The following DPP10 variants were observed in gnomAD, a reference collection of about 807,000 sequenced individuals.
DPP10 encodes the protein dipeptidyl peptidase like 10, also known as inactive dipeptidyl peptidase 10.
In DPP10, 33 loss-of-function variants were observed where a neutral mutation model predicts 120.9. The observed-to-expected ratio is 0.27, with a 90% confidence interval of 0.21 to 0.37. The LOEUF is 0.37. Among genes scored for constraint, DPP10 ranks in the 10% least tolerant of loss-of-function variants. The pLI is 1.00. For synonymous variants in DPP10, 337 were observed against 326.1 expected, an observed-to-expected ratio of 1.03 and a Z score of -0.36; for missense variants, 816 against 942.8, an observed-to-expected ratio of 0.87 and a Z score of 1.76.
intron 1 of DPP10, among the ~76,000 whole-genome samples, chr2:115,038,200 A>G (rs556903572): frequency 3.9e-5 from 6 of 152,092 alleles, no homozygotes; most frequent in Non-Finnish European, 8.8e-5. Flanking sequence ...AGTTAGCACA[A>G]CATATCTTCA....
intron 1 of DPP10, among the ~76,000 whole-genome samples, chr2:115,202,893 C>T (rs890451866): frequency 1.3e-4 from 20 of 152,056 alleles, no homozygotes; most frequent in African/African-American, 4.3e-4. Flanking sequence ...AAGAAAATAC[C>T]TTTCTCTTGT....
At chr2:115,482,021 A>G (rs897772269) in intron 3 of DPP10, among the ~76,000 whole-genome samples, 3 of 152,080 alleles carry the variant, frequency 2.0e-5, no homozygotes, top group Non-Finnish European at 4.4e-5. Flanking sequence ...AGTAGATGAA[A>G]CAAATACCAG....
intron 1 of DPP10, among the ~76,000 whole-genome samples, chr2:114,880,312 A>T (rs551333977): frequency 6.6e-6 from 1 of 152,302 alleles, no homozygotes; most frequent in South Asian, 2.1e-4. Context: ...TGGCAACGCT[A>T]CAGTGACAGT....
At chr2:114,452,576 A>G (rs188671430) in intron 1 of DPP10, among the ~76,000 whole-genome samples, 2 of 152,302 alleles carry the variant, frequency 1.3e-5, no homozygotes, top group South Asian at 2.1e-4. Context: ...TTAAACAGGA[A>G]CCACACTTAT....
At chr2:115,676,166 A>G (rs2090240749) in intron 5 of DPP10, among the ~76,000 whole-genome samples, 2 of 152,176 alleles carry the variant, frequency 1.3e-5, no homozygotes, top group Admixed American at 1.3e-4. Context: ...CATTTACTTG[A>G]AGGGTCTGAA....
At chr2:114,701,710 A>C (rs2105817700) in intron 1 of DPP10, among the ~76,000 whole-genome samples, 2 of 152,218 alleles carry the variant, frequency 1.3e-5, no homozygotes, top group Middle Eastern at 6.8e-3. Context: ...AACTACATCC[A>C]AGGAATTGTT....
chr2:114,701,902 A>G (rs17043364), intron 1 of DPP10, among the ~76,000 whole-genome samples: 10,871 of 152,184 alleles, frequency 0.071, 602 homozygotes, highest in African/African-American at 0.15. Context: ...AATTTAAATA[A>G]CAAATCAGCG....
chr2:115,374,279 C>T (rs541975021), intron 3 of DPP10, among the ~76,000 whole-genome samples: 1 of 152,310 alleles, frequency 6.6e-6, no homozygotes, highest in East Asian at 1.9e-4. Context: ...TGTGCAAATA[C>T]TCCCATTCCA....
At chr2:115,077,821 T>G (rs1707927601) in intron 1 of DPP10, among the ~76,000 whole-genome samples, 1 of 152,242 alleles carries the variant, frequency 6.6e-6, no homozygotes, top group Non-Finnish European at 1.5e-5. Context: ...TTTCAGGACT[T>G]TCCTCCTTGC....
At chr2:115,226,691 T>C (rs952824129) in intron 1 of DPP10, among the ~76,000 whole-genome samples, 8 of 152,210 alleles carry the variant, frequency 5.3e-5, no homozygotes, top group Non-Finnish European at 8.8e-5. Flanking sequence ...AATGTTTATT[T>C]TGACTACTTA....
intron 1 of DPP10, among the ~76,000 whole-genome samples, chr2:115,122,387 C>T (rs1448091484): frequency 6.6e-6 from 1 of 152,194 alleles, no homozygotes; most frequent in African/African-American, 2.4e-5. Context: ...AACCTTGGTC[C>T]CATCCAATTT....
chr2:114,894,685 G>C (rs1692821880), intron 1 of DPP10, among the ~76,000 whole-genome samples: 1 of 152,046 alleles, frequency 6.6e-6, no homozygotes. Flanking sequence ...TAAATAACCT[G>C]ATTTTATAAG....
At chr2:115,255,959 C>T (rs1170428104) in intron 1 of DPP10, among the ~76,000 whole-genome samples, 9 of 152,190 alleles carry the variant, frequency 5.9e-5, no homozygotes, top group African/African-American at 1.9e-4. Flanking sequence ...TGACCTTTGC[C>T]TGTTACCCAG....
chr2:114,659,354 G>T (rs1389479485), intron 1 of DPP10, among the ~76,000 whole-genome samples: 1 of 151,664 alleles, frequency 6.6e-6, no homozygotes, highest in East Asian at 1.9e-4. Flanking sequence ...ATTCAAAAAT[G>T]AATTGTAAGA....
At chr2:115,231,758 C>T (rs2057746027) in intron 1 of DPP10, among the ~76,000 whole-genome samples, 2 of 152,148 alleles carry the variant, frequency 1.3e-5, no homozygotes, top group African/African-American at 4.8e-5. Flanking sequence ...TCTTGTGGTT[C>T]ACTCTTTTCT....
At chr2:115,481,050 G>T (rs1380350399) in intron 3 of DPP10, among the ~76,000 whole-genome samples, 1 of 152,070 alleles carries the variant, frequency 6.6e-6, no homozygotes, top group Non-Finnish European at 1.5e-5. Context: ...ACAAAATTAA[G>T]AAAACCCAGG....
chr2:114,443,005 A>G (rs562354719), intron 1 of DPP10, among the ~76,000 whole-genome samples, 167 bp downstream of exon 1: 1 of 151,798 alleles, frequency 6.6e-6, no homozygotes, highest in South Asian at 2.1e-4. Context: ...GTGTGTGTAG[A>G]CTGGAAAGAA....
intron 1 of DPP10, among the ~76,000 whole-genome samples, chr2:114,854,804 T>G (rs1217441421): frequency 6.6e-6 from 1 of 152,230 alleles, no homozygotes; most frequent in Non-Finnish European, 1.5e-5. Flanking sequence ...AATTTGTTAT[T>G]GAAAATGAAT....
chr2:115,736,393 A>G (rs1351303959), intron 8 of DPP10, among the ~76,000 whole-genome samples: 1 of 152,174 alleles, frequency 6.6e-6, no homozygotes, highest in Non-Finnish European at 1.5e-5. Flanking sequence ...ATCCAAGTAC[A>G]TATAGCTAGT....
Sources: allele counts gnomAD v4.1 joint callset (sites outside exome capture counted in the v4.1 genomes callset), GRCh38; gene constraint gnomAD v4.1.1; transcripts MANE v1.5; gene names NCBI Gene and HGNC (gene_info 2026-07-23, HGNC 2026-07-21).